Variants in VPS33B observed in about 807,000 individuals in gnomAD.
VPS33B encodes vacuolar protein sorting-associated protein 33B.
Under a neutral mutation model 95.3 loss-of-function variants are expected in VPS33B, and 80 were observed. The observed-to-expected ratio is 0.84, with a 90% CI of 0.70 to 1.01. The LOEUF is 1.01. VPS33B is among the 50% of genes least tolerant of loss of function. The probability of loss-of-function intolerance (pLI) is 0.00; values close to 1 mark genes in which losing one functional copy is unlikely to be tolerated. For missense variants in VPS33B, 715 were observed against 773.4 expected, an observed-to-expected ratio of 0.92 and a Z score of 0.90; for synonymous variants, 280 against 280.4, an observed-to-expected ratio of 1.00 and a Z score of 0.01.
chr15:91,007,739 A>G lies in VPS33B; in HGVS notation c.498+131T>C. The stretch of plus-strand genomic sequence containing the variant: ...CCACAGAGACCAATCTGTAGCACTC[A>G]ATCACCACATCACTATCACTTGTGA... On this transcript the variant is annotated intron_variant, in intron 7 of 22. Coordinates refer to ENST00000333371, the MANE Select transcript of VPS33B (RefSeq NM_018668.5). This position sits in a 1 kb window ranked among gnomAD's most constrained non-coding sequence, Gnocchi z 5.3. 2 of 1,156,846 alleles carry G rather than the reference A, an allele frequency of 1.7e-6. No homozygotes were observed. Among genetic ancestry groups the G allele is most frequent in the South Asian group, 1.2e-5 (1 of 81,266 alleles). The allele number at this position is 1,156,846 out of a possible 1,614,324, so 71.7% of individuals were successfully genotyped here. A position where few individuals can be genotyped will look rare whatever the true frequency, so the allele number is the denominator to read the frequency against.
rs77541218 is a variant in VPS33B at position 91,000,403 on chromosome 15, A to G, written c.1581+87T>C. Reference sequence around the variant, plus strand: ...CAGAGCAAGACTCCATCTCAAATAAAAAAAAAAAAACATTGAGACACGCCA... The same window carrying G: ...CAGAGCAAGACTCCATCTCAAATAAGAAAAAAAAAACATTGAGACACGCCA... On this transcript the variant is annotated intron_variant, in intron 20 of 22. Coordinates refer to ENST00000333371, the MANE Select transcript of VPS33B (RefSeq NM_018668.5). This position sits in a 1 kb window ranked among gnomAD's most constrained non-coding sequence, Gnocchi z 4.9. 4 of 1,309,306 alleles carry G rather than the reference A, an allele frequency of 3.1e-6. No homozygotes were observed. In the Admixed American group the frequency reaches 6.2e-5, roughly 20 times the overall value. 81.1% of individuals were successfully genotyped at this position (1,309,306 alleles called of 1,614,324 possible).
chr15:91,021,994 A>G (rs2041115965), intron 1 of VPS33B, among the ~76,000 whole-genome samples, 160 bp downstream of exon 1: 1 of 152,190 alleles, frequency 6.6e-6, no homozygotes, highest in Non-Finnish European at 1.5e-5. Flanking sequence ...GGTTCCAAAC[A>G]GCTCTTACTA....
Position 91,002,635 on chromosome 15 carries a change from A to T in VPS33B, c.1272+450T>A, listed in dbSNP as rs113503663. On this transcript the variant is annotated intron_variant, in intron 17 of 22. Transcript: ENST00000333371. The surrounding 1 kb of genome is among the most constrained non-coding windows in gnomAD (Gnocchi z 4.7). ...ACAGAGCGAGACATCGTCTCGAAAT[A>T]AAAAAAAAAAAAAAAAGAAAAGAAA... 0.025 allele frequency among the ~76,000 whole-genome samples: 2,440 copies of T among 98,238 alleles called. 62 individuals are homozygous for T. Among genetic ancestry groups the T allele is most frequent in the African/African-American group, 0.11 (2,227 of 20,952 alleles). 64.4% of individuals were successfully genotyped at this position (98,238 alleles called of 152,430 possible).
rs1567222163 is a variant in VPS33B, at chr15:91,005,993, TC to T, written c.918del (p.Asn307ThrfsTer17). On this transcript the variant is annotated frameshift_variant, in exon 12 of 23. Coordinates refer to ENST00000333371, the MANE Select transcript of VPS33B (RefSeq NM_018668.5). LOFTEE classifies it high-confidence loss of function. The surrounding 1 kb of genome is among the most constrained non-coding windows in gnomAD (Gnocchi z 6.4). ...CTCACATCATACTGGGCCTGCAAGT[TC>T]CGGGCCTTCTGGCTCAAGAAGCCAA... is the stretch of plus-strand genomic sequence containing the variant. ...NVFGFLSQKA[R>X]NLQAQYDRRR... The T allele has an allele frequency of 1.2e-6, 2 of 1,614,166 alleles. No homozygotes were observed. Among genetic ancestry groups the T allele is most frequent in the Non-Finnish European group, 1.7e-6 (2 of 1,180,028 alleles).
Position 91,009,308 on chromosome 15 carries a change from T to C in VPS33B, c.403+493A>G, listed in dbSNP as rs998954773. Among the ~76,000 whole-genome samples the C allele has an allele frequency of 6.6e-5, 10 of 151,548 alleles. No individual in the cohort carries two copies. Among genetic ancestry groups the C allele is most frequent in the African/African-American group, 2.2e-4 (9 of 41,134 alleles). On this transcript the variant is annotated intron_variant, in intron 6 of 22. Transcript: ENST00000333371. This position sits in a 1 kb window ranked among gnomAD's most constrained non-coding sequence, Gnocchi z 4.1. ...TTATTTTCTTTCTCTCTCTCTTTCT[T>C]TCTTCCTTCCTTCCTTTCTCTGAGT...
At position 91,000,755 on chromosome 15, in the gene VPS33B, T is replaced by C. The variant is rs751674960; in HGVS notation, c.1480-164A>G. On this transcript the variant is annotated intron_variant, in intron 19 of 22. Transcript: ENST00000333371. The surrounding 1 kb of genome is among the most constrained non-coding windows in gnomAD (Gnocchi z 4.9). The stretch of plus-strand genomic sequence containing the variant: ...ATCCATAACGGAAGATGGCAGTTTT[T>C]GTTCAGTAACTGCCAGTTCTCTGGA... The C allele has an allele frequency of 4.7e-6, 3 of 640,692 alleles. No individual in the cohort carries two copies. Among genetic ancestry groups the C allele is most frequent in the Non-Finnish European group, 8.4e-6 (3 of 357,104 alleles). 39.7% of individuals were successfully genotyped at this position (640,692 alleles called of 1,614,324 possible).
Position 91,007,689 on chromosome 15 carries a change from G to C in VPS33B, c.499-116C>G. On this transcript the variant is annotated intron_variant, in intron 7 of 22. Coordinates refer to ENST00000333371, the MANE Select transcript of VPS33B (RefSeq NM_018668.5). The surrounding 1 kb of genome is among the most constrained non-coding windows in gnomAD (Gnocchi z 5.3). ...GCAGGGCCTGGGGGATGCTTGAAAG[G>C]TTTTCATTGGCTCCACAGGAAGTCC... 1 of 1,256,684 alleles carries C rather than the reference G, an allele frequency of 8.0e-7. No homozygotes were observed. Among genetic ancestry groups the C allele is most frequent in the Non-Finnish European group, 1.2e-6 (1 of 860,822 alleles). The allele number at this position is 1,256,684 out of a possible 1,614,324, so 77.8% of individuals were successfully genotyped here. A position where few individuals can be genotyped will look rare whatever the true frequency, so the allele number is the denominator to read the frequency against.
chr15:91,005,471 G>A lies in VPS33B; in HGVS notation c.1031-17C>T. 6.2e-7 allele frequency: 1 copy of A among 1,613,980 alleles called. No homozygotes were observed. ...CCCCAATATCTGCAGGTTGGACAAA[G>A]GGAGCTGACATACTCCTGGTTCTAG... is the stretch of plus-strand genomic sequence containing the variant. On this transcript the variant is annotated splice_polypyrimidine_tract_variant and intron_variant, in intron 13 of 22. Coordinates refer to ENST00000333371, the MANE Select transcript of VPS33B (RefSeq NM_018668.5). This position sits in a 1 kb window ranked among gnomAD's most constrained non-coding sequence, Gnocchi z 6.4.
At position 91,015,454 on chromosome 15, in the gene VPS33B, C is replaced by T. The variant is rs1175260079; in HGVS notation, c.240-1021G>A. Among the ~76,000 whole-genome samples the T allele has an allele frequency of 6.6e-6, 1 of 150,810 alleles. No individual in the cohort carries two copies. Among genetic ancestry groups the T allele is most frequent in the African/African-American group, 2.4e-5 (1 of 40,976 alleles). On this transcript the variant is annotated intron_variant, in intron 3 of 22. Transcript: ENST00000333371. The surrounding 1 kb of genome is among the most constrained non-coding windows in gnomAD (Gnocchi z 4.7). Reference sequence around the variant, plus strand: ...CAGCATTTTGGGAGGCCAAGGAGTGCGGATCACCTGAGGTCAAGAGTTCAA... The same window carrying T: ...CAGCATTTTGGGAGGCCAAGGAGTGTGGATCACCTGAGGTCAAGAGTTCAA...
At chr15:91,017,977 C>T in intron 1 of VPS33B, 92 bp from the exon 2 acceptor site, 1 of 1,169,896 alleles carries the variant, frequency 8.5e-7, no homozygotes. Context: ...CAGAAACAGT[C>T]TCTGAGGTGG....
In VPS33B at chr15:91,007,699, G is replaced by T; in HGVS notation, c.499-126C>A. 1 of 1,221,758 alleles carries T rather than the reference G, an allele frequency of 8.2e-7. No individual in the cohort carries two copies. Among genetic ancestry groups the T allele is most frequent in the Non-Finnish European group, 1.2e-6 (1 of 829,362 alleles). 75.7% of individuals were successfully genotyped at this position (1,221,758 alleles called of 1,614,324 possible). A position where few individuals can be genotyped will look rare whatever the true frequency, so the allele number is the denominator to read the frequency against. On this transcript the variant is annotated intron_variant, in intron 7 of 22. Transcript: ENST00000333371. The surrounding 1 kb of genome is among the most constrained non-coding windows in gnomAD (Gnocchi z 5.3). ...GGGGATGCTTGAAAGGTTTTCATTG[G>T]CTCCACAGGAAGTCCCACAGAGACC...
chr15:91,005,233 A>AC lies in VPS33B; in HGVS notation c.1106-115dup. The AC allele has an allele frequency of 6.2e-7, 1 of 1,610,912 alleles. No homozygotes were observed. Among genetic ancestry groups the AC allele is most frequent in the Non-Finnish European group, 8.5e-7 (1 of 1,179,280 alleles). On this transcript the variant is annotated intron_variant, in intron 14 of 22. Transcript: ENST00000333371. The surrounding 1 kb of genome is among the most constrained non-coding windows in gnomAD (Gnocchi z 6.4). The stretch of plus-strand genomic sequence containing the variant: ...CTCCATCCTTGGGGTGGGTTAAGGG[A>AC]CCCCCAGGACTTCTAGCAGGAACCA...
In VPS33B at chr15:91,002,084, ACT is replaced by A. The variant is rs2040454547; in HGVS notation, c.1369_1370del (p.Ser457Ter). The A allele has an allele frequency of 6.2e-7, 1 of 1,613,062 alleles. No homozygotes were observed. Among genetic ancestry groups the A allele is most frequent in the African/African-American group, 1.3e-5 (1 of 74,542 alleles). On this transcript the variant is annotated frameshift_variant, in exon 18 of 23. Coordinates refer to ENST00000333371, the MANE Select transcript of VPS33B (RefSeq NM_018668.5). LOFTEE classifies it high-confidence loss of function. The surrounding 1 kb of genome is among the most constrained non-coding windows in gnomAD (Gnocchi z 4.7). ...APGDTLTAVE[S>X]KVSKLVTDKA... Reference sequence around the variant, plus strand: ...TGTCGGTCACCAGCTTGCTCACTTTACTCTCCACGGCTGTGAGGGTGTCCCCG... The same window carrying A: ...TGTCGGTCACCAGCTTGCTCACTTTACTCCACGGCTGTGAGGGTGTCCCCG...
At chr15:91,016,381 T>C (rs113575005) in intron 3 of VPS33B, among the ~76,000 whole-genome samples, 6 of 129,346 alleles carry the variant, frequency 4.6e-5, no homozygotes, top group African/African-American at 3.4e-5. Flanking sequence ...TCTTCTTTTT[T>C]TTTTTTTTTT....
chr15:91,018,097 G>C lies in VPS33B; in HGVS notation c.97-212C>G, dbSNP rs980596468. The C allele has an allele frequency of 5.3e-6, 3 of 569,856 alleles. No homozygotes were observed. Among genetic ancestry groups the C allele is most frequent in the Non-Finnish European group, 6.4e-6 (2 of 312,508 alleles). 35.3% of individuals were successfully genotyped at this position (569,856 alleles called of 1,614,324 possible). On this transcript the variant is annotated intron_variant, in intron 1 of 22. Transcript: ENST00000333371. This position sits in a 1 kb window ranked among gnomAD's most constrained non-coding sequence, Gnocchi z 4.7. ...GCCTTCTCGTTTTCTGTACCAGTGG[G>C]AAGAAGACATCCCACCTTCTTTCTC...
chr15:91,014,924 T>A (rs151226009), intron 3 of VPS33B, among the ~76,000 whole-genome samples: 2 of 152,072 alleles, frequency 1.3e-5, no homozygotes, highest in East Asian at 3.9e-4. Context: ...TCATCTCTAT[T>A]AAAAATAATA....
chr15:91,007,706 AG>A lies in VPS33B; in HGVS notation c.499-134del. The A allele has an allele frequency of 8.4e-7, 1 of 1,191,350 alleles. No individual in the cohort carries two copies. Among genetic ancestry groups the A allele is most frequent in the East Asian group, 2.3e-5 (1 of 42,798 alleles). The allele number at this position is 1,191,350 out of a possible 1,614,324, so 73.8% of individuals were successfully genotyped here. On this transcript the variant is annotated intron_variant, in intron 7 of 22. Coordinates refer to ENST00000333371, the MANE Select transcript of VPS33B (RefSeq NM_018668.5). This position sits in a 1 kb window ranked among gnomAD's most constrained non-coding sequence, Gnocchi z 5.3. ...CTTGAAAGGTTTTCATTGGCTCCAC[AG>A]GAAGTCCCACAGAGACCAATCTGTA...
Position 91,000,479 on chromosome 15 carries a change from C to T in VPS33B, c.1581+11G>A, listed in dbSNP as rs1338071391. The T allele has an allele frequency of 6.2e-7, 1 of 1,608,950 alleles. No homozygotes were observed. The highest frequency in any genetic ancestry group is 8.5e-7 in the Non-Finnish European group (1 of 1,176,598). ...GAAATATGAATGGGAGCAAGAATTA[C>T]ATGCTCTCACCTGCTCAATGATTCG... On this transcript the variant is annotated intron_variant, in intron 20 of 22. Coordinates refer to ENST00000333371, the MANE Select transcript of VPS33B (RefSeq NM_018668.5). The surrounding 1 kb of genome is among the most constrained non-coding windows in gnomAD (Gnocchi z 4.9).
At chr15:91,003,629 AG>A (rs2040509490) in intron 16 of VPS33B, among the ~76,000 whole-genome samples, 1 of 151,980 alleles carries the variant, frequency 6.6e-6, no homozygotes, top group Non-Finnish European at 1.5e-5. Flanking sequence ...TAGTAGAGAC[AG>A]GGTTTCACTA....
Sources: allele counts gnomAD v4.1 joint callset (sites outside exome capture counted in the v4.1 genomes callset), GRCh38; gene constraint gnomAD v4.1.1; non-coding constraint Gnocchi (gnomAD v3.1); transcripts MANE v1.5; gene names NCBI Gene and HGNC (gene_info 2026-07-23, HGNC 2026-07-21).